Variants in CILK1 observed in about 807,000 individuals in gnomAD.
CILK1 encodes ciliogenesis associated kinase 1.
Under a neutral mutation model 79.2 loss-of-function variants are expected in CILK1, and 47 were observed. That is an observed-to-expected ratio of 0.59 (90% CI 0.47 to 0.76). CILK1 has a LOEUF of 0.76. CILK1 is among the 30% of genes least tolerant of loss of function. CILK1 has a pLI of 0.00. For synonymous variants in CILK1, 266 were observed against 275.9 expected (o/e 0.96, Z 0.36); for missense variants, 660 against 769.5 (o/e 0.86, Z 1.68).
intron 2 of CILK1, among the ~76,000 whole-genome samples, chr6:53,040,576 C>G (rs1036002038): frequency 2.0e-5 from 3 of 152,208 alleles, no homozygotes; most frequent in African/African-American, 7.2e-5. Flanking sequence ...TTGACTACAG[C>G]CTCATGAGAG....
intron 5 of CILK1, among the ~76,000 whole-genome samples, chr6:53,029,671 C>T (rs747382670): frequency 6.6e-6 from 1 of 152,122 alleles, no homozygotes; most frequent in Non-Finnish European, 1.5e-5. Flanking sequence ...GCAGGAGGAT[C>T]GCTAGAGCCC....
intron 1 of CILK1, chr6:53,057,662 A>G (rs1014706953): frequency 2.6e-5 from 4 of 152,206 alleles, no homozygotes; most frequent in Non-Finnish European, 4.4e-5. Context: ...ATTAGGAACT[A>G]TGTTCAAAGC....
At chr6:53,059,833 T>A (rs75629234) in intron 1 of CILK1, among the ~76,000 whole-genome samples, 1 of 152,158 alleles carries the variant, frequency 6.6e-6, no homozygotes, top group Non-Finnish European at 1.5e-5. Context: ...AGACAGGCAA[T>A]AGAACACTGA....
chr6:53,017,260 A>C (rs1277772575), intron 7 of CILK1, among the ~76,000 whole-genome samples: 1 of 152,228 alleles, frequency 6.6e-6, no homozygotes, highest in African/African-American at 2.4e-5. Flanking sequence ...GGACCTGGGA[A>C]AATAAACATA....
chr6:53,040,873 C>G (rs1047104419), intron 2 of CILK1, among the ~76,000 whole-genome samples: 1 of 152,100 alleles, frequency 6.6e-6, no homozygotes, highest in East Asian at 1.9e-4. Flanking sequence ...GTTTATTAAC[C>G]TGCTTGTTAC....
intron 2 of CILK1, among the ~76,000 whole-genome samples, chr6:53,039,725 C>T (rs1475788235): frequency 2.0e-5 from 3 of 152,148 alleles, no homozygotes; most frequent in Non-Finnish European, 2.9e-5. Flanking sequence ...ACACAAAGAA[C>T]ATTTGGTCAA....
In CILK1 at chr6:53,002,391, C is replaced by T. The variant is rs1763983685; in HGVS notation, c.*2758G>A. ...AAATGAGGTATAGTCCTGATAGGTACAGTTACAGGTATATCATTTCTGTTG... is the reference window on the plus strand; with the variant it reads ...AAATGAGGTATAGTCCTGATAGGTATAGTTACAGGTATATCATTTCTGTTG... On this transcript the variant is annotated 3_prime_UTR_variant, in exon 14 of 14. Coordinates refer to ENST00000676107, the MANE Select transcript of CILK1 (RefSeq NM_014920.5). 1 of 152,126 alleles carries T rather than the reference C, an allele frequency of 6.6e-6. No homozygotes were observed. Among genetic ancestry groups the T allele is most frequent in the Non-Finnish European group, 1.5e-5 (1 of 68,034 alleles). 9.4% of individuals were successfully genotyped at this position (152,126 alleles called of 1,614,324 possible). A position where few individuals can be genotyped will look rare whatever the true frequency, so the allele number is the denominator to read the frequency against.
rs146920735 is a variant in CILK1 at position 53,017,774 on chromosome 6, G to A, written c.663+556C>T. Among the ~76,000 whole-genome samples the A allele has an allele frequency of 2.7e-3, 418 of 152,280 alleles. 1 individual carries two copies. Among genetic ancestry groups the A allele is most frequent in the Middle Eastern group, 0.01 (3 of 294 alleles). On this transcript the variant is annotated intron_variant, in intron 7 of 13. Transcript: ENST00000676107. ...ATTCAACAGGATTTACCCACCAACC[G>A]CTTAGATGAAGGGAAAGGGGAGCAA...
At chr6:53,036,944 A>G (rs1196737702) in intron 3 of CILK1, among the ~76,000 whole-genome samples, 1 of 152,182 alleles carries the variant, frequency 6.6e-6, no homozygotes, top group Non-Finnish European at 1.5e-5. Flanking sequence ...CTTGTTACAC[A>G]TGTATCTATA....
Position 53,041,427 on chromosome 6 carries a change from G to C in CILK1, c.-172-19C>G. 1 of 585,472 alleles carries C rather than the reference G, an allele frequency of 1.7e-6. No homozygotes were observed. The highest frequency in any genetic ancestry group is 3.1e-6 in the Non-Finnish European group (1 of 323,970). The allele number at this position is 585,472 out of a possible 1,614,324, so 36.3% of individuals were successfully genotyped here. A position where few individuals can be genotyped will look rare whatever the true frequency, so the allele number is the denominator to read the frequency against. On this transcript the variant is annotated intron_variant, in intron 1 of 13. Coordinates refer to ENST00000676107, the MANE Select transcript of CILK1 (RefSeq NM_014920.5). ...CTTCTGCCTGCAGAGAAAAATGAGA[G>C]ACAAGGATAAATGTTAATATACATT... is the stretch of plus-strand genomic sequence containing the variant.
intron 5 of CILK1, among the ~76,000 whole-genome samples, chr6:53,023,092 C>A (rs1184978416): frequency 6.6e-6 from 1 of 152,120 alleles, no homozygotes; most frequent in Non-Finnish European, 1.5e-5. Context: ...TGCCACCACA[C>A]CCTGCTAATT....
At chr6:53,054,963 T>C (rs1435701655) in intron 1 of CILK1, among the ~76,000 whole-genome samples, 1 of 152,226 alleles carries the variant, frequency 6.6e-6, no homozygotes, top group Non-Finnish European at 1.5e-5. Context: ...TTCTTTATTT[T>C]GAAACCTTAA....
rs546005676 is a variant in CILK1, at chr6:53,028,998, C to T, written c.358+2067G>A. On this transcript the variant is annotated intron_variant, in intron 5 of 13. Coordinates refer to ENST00000676107, the MANE Select transcript of CILK1 (RefSeq NM_014920.5). Reference sequence around the variant, plus strand: ...ATGCATACATTTGATTAGGTAGAGGCCTGGACAGAAGGCTACTTTCTGGCA... The same window carrying T: ...ATGCATACATTTGATTAGGTAGAGGTCTGGACAGAAGGCTACTTTCTGGCA... Among the ~76,000 whole-genome samples, 8 of 151,814 alleles carry T rather than the reference C, an allele frequency of 5.3e-5. No homozygotes were observed. In the East Asian group the frequency reaches 1.5e-3, roughly 29 times the overall value.
chr6:53,045,778 T>C (rs371764170), intron 1 of CILK1, among the ~76,000 whole-genome samples: 1 of 123,026 alleles, frequency 8.1e-6, no homozygotes, highest in Non-Finnish European at 1.7e-5. Context: ...ACCATCGTTG[T>C]ATGTCATCTT....
intron 1 of CILK1, among the ~76,000 whole-genome samples, chr6:53,052,994 G>T: frequency 6.8e-6 from 1 of 148,082 alleles, no homozygotes; most frequent in African/African-American, 2.5e-5. Context: ...TTGTTTTACT[G>T]GATGAAAAAT....
chr6:53,021,336 G>A (rs1195970835), intron 5 of CILK1, among the ~76,000 whole-genome samples: 2 of 151,644 alleles, frequency 1.3e-5, no homozygotes, highest in African/African-American at 2.4e-5. Flanking sequence ...GAGCGGCGCG[G>A]GGGGGTTGGG....
intron 11 of CILK1, among the ~76,000 whole-genome samples, chr6:53,009,794 T>C (rs1313228745): frequency 6.6e-6 from 1 of 152,234 alleles, no homozygotes; most frequent in African/African-American, 2.4e-5. Flanking sequence ...CCAATGGATC[T>C]GTCCCACCTC....
At chr6:53,060,954 G>C (rs1410447594) in intron 1 of CILK1, 1 of 152,142 alleles carries the variant, frequency 6.6e-6, no homozygotes. Flanking sequence ...AATCCATCCC[G>C]CTTGTAAAAT....
At chr6:53,021,157 A>C (rs183058272) in intron 5 of CILK1, among the ~76,000 whole-genome samples, 1 of 152,262 alleles carries the variant, frequency 6.6e-6, no homozygotes, top group East Asian at 1.9e-4. Flanking sequence ...CACCATCTCT[A>C]CTAAAAATAT....
Sources: gnomAD v4.1 joint callset for allele counts (sites outside exome capture counted in the v4.1 genomes callset) on GRCh38, gnomAD v4.1.1 for gene constraint, MANE v1.5 for transcripts, NCBI Gene and HGNC (gene_info 2026-07-23, HGNC 2026-07-21) for gene names.